MYH9: variants seen among roughly 807,000 people sequenced by gnomAD.
The protein encoded by MYH9 is myosin-9.
A neutral mutation model predicts 241.9 loss-of-function variants in MYH9; 29 were observed. The observed-to-expected ratio is 0.12, with a 90% CI of 0.09 to 0.16. The LOEUF (loss-of-function observed/expected upper bound fraction) is 0.16. Among genes scored for constraint, MYH9 ranks in the 10% least tolerant of loss-of-function variants. The probability of loss-of-function intolerance (pLI) is 1.00; values close to 1 mark genes in which losing one functional copy is unlikely to be tolerated. For missense variants in MYH9, 1,803 were observed against 2,595.5 expected, an observed-to-expected ratio of 0.69 and a Z score of 6.63; for synonymous variants, 1,047 against 1,062.6, an observed-to-expected ratio of 0.99 and a Z score of 0.29.
At position 36,283,559 on chromosome 22, in the gene MYH9, T is replaced by TA. The variant is rs547870738; in HGVS notation, c.5765+533dup. 3.9e-5 allele frequency among the ~76,000 whole-genome samples: 5 copies of TA among 127,710 alleles called. No individual in the cohort carries two copies. The East Asian group carries it at 7.0e-4, about 18-fold the overall frequency. 83.8% of individuals were successfully genotyped at this position (127,710 alleles called of 152,430 possible). A position where few individuals can be genotyped will look rare whatever the true frequency, so the allele number is the denominator to read the frequency against. Reference sequence around the variant, plus strand: ...TCTCAAAAAAAAAAAACAAAAAAAATAAAAAAAACACGTAAACACATAAGA... The same window carrying TA: ...TCTCAAAAAAAAAAAACAAAAAAAATAAAAAAAAACACGTAAACACATAAGA... On this transcript the variant is annotated intron_variant, in intron 40 of 40. Transcript: ENST00000216181.
chr22:36,348,017 T>A lies in MYH9; in HGVS notation c.333+887A>T, dbSNP rs368284205. ...AGAGATAAAGATATTTTTAAAAATA[T>A]CTTTTAAAATATTTCATTATTTTAA... On this transcript the variant is annotated intron_variant, in intron 2 of 40. Coordinates refer to ENST00000216181, the MANE Select transcript of MYH9 (RefSeq NM_002473.6). 2.9e-4 allele frequency among the ~76,000 whole-genome samples: 43 copies of A among 148,626 alleles called. 1 individual carries two copies. In the South Asian group the frequency reaches 8.8e-3, roughly 30 times the overall value.
intron 2 of MYH9, among the ~76,000 whole-genome samples, chr22:36,342,631 CAA>C (rs77958833): frequency 3.0e-4 from 42 of 138,730 alleles, no homozygotes; most frequent in Admixed American, 2.9e-4. Flanking sequence ...TTTCCCCCAC[CAA>C]AAAAAAAAAA....
At chr22:36,299,898 G>C (rs2016847355) in intron 23 of MYH9, among the ~76,000 whole-genome samples, 1 of 152,188 alleles carries the variant, frequency 6.6e-6, no homozygotes, top group Non-Finnish European at 1.5e-5. Flanking sequence ...GAGCTTTCCA[G>C]AGGGGAAAGG....
At chr22:36,291,090 G>A (rs200186397) in intron 31 of MYH9, among the ~76,000 whole-genome samples, 4,525 of 149,888 alleles carry the variant, frequency 0.03, 96 homozygotes, top group East Asian at 0.093. Context: ...CAGCCGCCCC[G>A]TCCGGGAGGT....
chr22:36,290,171 C>T (rs889320344), intron 31 of MYH9, among the ~76,000 whole-genome samples: 1 of 151,870 alleles, frequency 6.6e-6, no homozygotes, highest in Non-Finnish European at 1.5e-5. Flanking sequence ...CCAGCCTGGG[C>T]GATATGGTGA....
In MYH9 at chr22:36,338,647, G is replaced by A. The variant is rs976088858; in HGVS notation, c.490+2723C>T. Among the ~76,000 whole-genome samples, 7 of 151,644 alleles carry A rather than the reference G, an allele frequency of 4.6e-5. No homozygotes were observed. In the South Asian group the frequency reaches 6.2e-4, roughly 14 times the overall value. ...AGCCTGACCAACATGGTGAAACCCC[G>A]TCTCTACTAAAAATACAAAAAAATT... On this transcript the variant is annotated intron_variant, in intron 3 of 40. Coordinates refer to ENST00000216181, the MANE Select transcript of MYH9 (RefSeq NM_002473.6).
intron 27 of MYH9, among the ~76,000 whole-genome samples, chr22:36,294,627 C>T (rs904547825): frequency 4.6e-5 from 7 of 152,214 alleles, no homozygotes; most frequent in South Asian, 2.1e-4. Flanking sequence ...ATATTTGTAA[C>T]GCAATAAGGG....
chr22:36,322,548 A>T (rs745816085), intron 5 of MYH9, 27 bp from the exon 6 acceptor site: 1 of 1,611,694 alleles, frequency 6.2e-7, no homozygotes, highest in African/African-American at 1.3e-5. Flanking sequence ...GACGCAGTGA[A>T]GGCCGGGCAG....
intron 15 of MYH9, among the ~76,000 whole-genome samples, chr22:36,308,310 C>G (rs954696835): frequency 7.2e-5 from 11 of 151,914 alleles, no homozygotes; most frequent in African/African-American, 2.7e-4. Flanking sequence ...CCCTGTCACC[C>G]AGGCTGGAGT....
chr22:36,286,523 C>T (rs536666328), intron 35 of MYH9, among the ~76,000 whole-genome samples, 195 bp downstream of exon 35: 11 of 152,360 alleles, frequency 7.2e-5, no homozygotes, highest in South Asian at 6.2e-4. Context: ...TTCACACACA[C>T]ACACACTCTG....
intron 1 of MYH9, among the ~76,000 whole-genome samples, chr22:36,369,323 A>G (rs980019990): frequency 2.0e-5 from 3 of 152,248 alleles, no homozygotes; most frequent in African/African-American, 7.2e-5. Flanking sequence ...AGTGCTCGGC[A>G]GCAAGTAATT....
At chr22:36,301,860 A>G (rs1603483084) in intron 20 of MYH9, 195 bp from the exon 21 acceptor site, 2 of 668,490 alleles carry the variant, frequency 3.0e-6, no homozygotes, top group East Asian at 2.8e-5. Context: ...ACTACATTCC[A>G]GGGAAACTAT....
intron 1 of MYH9, among the ~76,000 whole-genome samples, chr22:36,359,101 A>G (rs1453435722): frequency 6.6e-6 from 1 of 152,172 alleles, no homozygotes; most frequent in African/African-American, 2.4e-5. Context: ...TTCTCTAAAG[A>G]CTTTTTGCAG....
intron 1 of MYH9, among the ~76,000 whole-genome samples, chr22:36,375,474 C>G (rs1456389506): frequency 2.6e-5 from 4 of 152,224 alleles, no homozygotes; most frequent in Non-Finnish European, 5.9e-5. Flanking sequence ...TGCAGCCCAA[C>G]GTTCTCTCTG....
At chr22:36,375,772 C>T (rs567120010) in intron 1 of MYH9, among the ~76,000 whole-genome samples, 4 of 152,150 alleles carry the variant, frequency 2.6e-5, no homozygotes. Context: ...CCTATAATCC[C>T]GGCACATTGA....
chr22:36,312,688 CT>C (rs1254088267), intron 13 of MYH9, among the ~76,000 whole-genome samples: 1 of 152,204 alleles, frequency 6.6e-6, no homozygotes, highest in African/African-American at 2.4e-5. Flanking sequence ...CAGCAGCCTT[CT>C]GCACACTGAG....
intron 24 of MYH9, chr22:36,297,319 T>TA (rs2016804417): frequency 2.5e-6 from 1 of 399,792 alleles, no homozygotes; most frequent in South Asian, 3.0e-5. Flanking sequence ...TCTGTATCTC[T>TA]AAAAAACATG....
intron 3 of MYH9, among the ~76,000 whole-genome samples, chr22:36,338,995 G>C (rs2017543092): frequency 6.6e-6 from 1 of 152,134 alleles, no homozygotes; most frequent in Non-Finnish European, 1.5e-5. Context: ...CCAAGAAAAA[G>C]GAAAGCTCTG....
chr22:36,377,124 G>A (rs924646941), intron 1 of MYH9, among the ~76,000 whole-genome samples: 5 of 151,936 alleles, frequency 3.3e-5, no homozygotes, highest in Admixed American at 1.3e-4. Flanking sequence ...TAAGGACTAG[G>A]AGCTGACTCT....
Sources: gnomAD v4.1 joint callset for allele counts (sites outside exome capture counted in the v4.1 genomes callset) on GRCh38, gnomAD v4.1.1 for gene constraint, MANE v1.5 for transcripts, NCBI Gene and HGNC (gene_info 2026-07-23, HGNC 2026-07-21) for gene names.